Variants in FOXP1 observed in about 807,000 individuals in gnomAD.
FOXP1 encodes forkhead box P1.
A neutral mutation model predicts 98.2 loss-of-function variants in FOXP1; 15 were observed. The ratio of observed to expected loss-of-function variants is 0.15; its 90% confidence interval spans 0.10 to 0.24. FOXP1 has a LOEUF of 0.24. Ranked by LOEUF, FOXP1 falls within the 10% of genes least tolerant of loss-of-function variation. The pLI is 1.00. For missense variants in FOXP1, 633 were observed against 848.5 expected (o/e 0.75, Z 3.15); for synonymous variants, 371 against 314.5 (o/e 1.18, Z -1.90).
chr3:71,227,188 C>T (rs779103910), intron 5 of FOXP1, among the ~76,000 whole-genome samples: 1 of 152,134 alleles, frequency 6.6e-6, no homozygotes, highest in Non-Finnish European at 1.5e-5. Context: ...AGGCACGCGA[C>T]CATGGTGACA....
intron 6 of FOXP1, among the ~76,000 whole-genome samples, chr3:71,164,767 C>A (rs1342752879): frequency 2.0e-5 from 3 of 152,190 alleles, no homozygotes; most frequent in African/African-American, 7.2e-5. Context: ...ATGAATAAAG[C>A]TTACTTTCTC....
At chr3:71,351,312 G>A (rs187954904) in intron 4 of FOXP1, among the ~76,000 whole-genome samples, 1 of 152,134 alleles carries the variant, frequency 6.6e-6, no homozygotes, top group Non-Finnish European at 1.5e-5. Context: ...TGACTAAGCT[G>A]GTCACTCAGA....
intron 2 of FOXP1, among the ~76,000 whole-genome samples, chr3:71,562,851 C>T (rs964044226): frequency 6.6e-6 from 1 of 152,184 alleles, no homozygotes; most frequent in Non-Finnish European, 1.5e-5. Context: ...CTTCTGGGCC[C>T]AACAGATACA....
intron 6 of FOXP1, among the ~76,000 whole-genome samples, chr3:71,190,543 C>A (rs771451252): frequency 6.9e-6 from 1 of 145,258 alleles, no homozygotes. Context: ...CGCTTGAGCC[C>A]GGGGAGGTAA....
intron 3 of FOXP1, among the ~76,000 whole-genome samples, chr3:71,440,395 G>A (rs955623201): frequency 3.9e-5 from 6 of 151,942 alleles, no homozygotes; most frequent in South Asian, 2.1e-4. Flanking sequence ...GTGAGACACC[G>A]TGCCGGGCGC....
intron 6 of FOXP1, among the ~76,000 whole-genome samples, chr3:71,150,391 C>T (rs970805732): frequency 5.9e-5 from 9 of 152,170 alleles, no homozygotes; most frequent in Admixed American, 5.9e-4. Context: ...TATTCTACCC[C>T]TAGAATATAT....
rs1306412993 is a variant in FOXP1 at position 71,203,943 on chromosome 3, A to AGGAAGGAG, written c.-11-5552_-11-5551insCTCCTTCC. Among the ~76,000 whole-genome samples the AGGAAGGAG allele has an allele frequency of 1.2e-3, 59 of 50,512 alleles. 1 individual carries two copies. Among genetic ancestry groups the AGGAAGGAG allele is most frequent in the African/African-American group, 2.8e-3 (56 of 19,660 alleles). 33.1% of individuals were successfully genotyped at this position (50,512 alleles called of 152,430 possible). ...GAAGCTCATGGAAAAGGAAGGAGGA[A>AGGAAGGAG]GGAAGGAAGGAAGGAAGGAAGGAAG... On this transcript the variant is annotated intron_variant, in intron 5 of 20. Transcript: ENST00000649528.
chr3:71,197,981 G>A, intron 6 of FOXP1: 1 of 1,614,198 alleles, frequency 6.2e-7, no homozygotes, highest in South Asian at 1.1e-5. Context: ...AAGGGGACCT[G>A]CAGGACTTCC....
At chr3:71,348,604 ATG>A (rs1431271008) in intron 4 of FOXP1, among the ~76,000 whole-genome samples, 3 of 148,828 alleles carry the variant, frequency 2.0e-5, no homozygotes, top group South Asian at 2.1e-4. Flanking sequence ...GCAGGTGTGT[ATG>A]TGTGTGCACA....
chr3:71,440,148 G>T (rs567946143), intron 3 of FOXP1, among the ~76,000 whole-genome samples: 31 of 152,254 alleles, frequency 2.0e-4, no homozygotes, highest in African/African-American at 7.5e-4. Context: ...TTTCAGTTAT[G>T]CAAGATGAGA....
chr3:71,008,341 G>A (rs762511018), intron 12 of FOXP1, among the ~76,000 whole-genome samples: 31 of 152,158 alleles, frequency 2.0e-4, no homozygotes, highest in Non-Finnish European at 3.8e-4. Flanking sequence ...AGTGAAGATT[G>A]TGTCTTTCAC....
Position 70,958,519 on chromosome 3 carries a change from A to T in FOXP1, c.*728T>A, listed in dbSNP as rs2032404293. The T allele has an allele frequency of 2.9e-6, 1 of 349,700 alleles. No homozygotes were observed. Among genetic ancestry groups the T allele is most frequent in the Non-Finnish European group, 5.5e-6 (1 of 182,058 alleles). 21.7% of individuals were successfully genotyped at this position (349,700 alleles called of 1,614,324 possible). The stretch of plus-strand genomic sequence containing the variant: ...CGAGAAATGACATTCAGCTTTGTAT[A>T]ATAAAAACACCTATTAACATTCATC... On this transcript the variant is annotated 3_prime_UTR_variant, in exon 21 of 21. Transcript: ENST00000649528.
At chr3:71,445,637 A>G (rs999741947) in intron 3 of FOXP1, among the ~76,000 whole-genome samples, 3 of 152,032 alleles carry the variant, frequency 2.0e-5, no homozygotes, top group East Asian at 1.9e-4. Flanking sequence ...GAAATTAACA[A>G]TGCCTGGCAT....
rs1560064195 is a variant in FOXP1 at position 71,174,824 on chromosome 3, A to ACACC, written c.180+23374_180+23377dup. On this transcript the variant is annotated intron_variant, in intron 6 of 20. Coordinates refer to ENST00000649528, the MANE Select transcript of FOXP1 (RefSeq NM_001349338.3). ...CACACACACACACACACACACACAC[A>ACACC]CACCCCAATATACCCCAGGGTAGGA... Among the ~76,000 whole-genome samples the ACACC allele has an allele frequency of 1.6e-4, 24 of 149,392 alleles. 1 individual carries two copies. In the South Asian group the frequency reaches 4.7e-3, roughly 29 times the overall value.
chr3:71,510,347 C>T (rs1432561444), intron 2 of FOXP1, among the ~76,000 whole-genome samples: 1 of 148,026 alleles, frequency 6.8e-6, no homozygotes, highest in Admixed American at 6.7e-5. Context: ...TGTGGTGGTA[C>T]TTGCCTGTAA....
intron 6 of FOXP1, among the ~76,000 whole-genome samples, chr3:71,159,416 G>A (rs989575748): frequency 7.2e-5 from 11 of 152,158 alleles, no homozygotes; most frequent in African/African-American, 2.7e-4. Flanking sequence ...ATGCCAACAA[G>A]TTATTTTCTA....
rs113300374 is a variant in FOXP1, at chr3:71,177,272, A to G, written c.180+20930T>C. On this transcript the variant is annotated intron_variant, in intron 6 of 20. Coordinates refer to ENST00000649528, the MANE Select transcript of FOXP1 (RefSeq NM_001349338.3). ...CTAAGTTACAAGGCGCAGTTGCTTAAGAGTAAAATTAGGTACATCTGCTAC... is the reference window on the plus strand; with the variant it reads ...CTAAGTTACAAGGCGCAGTTGCTTAGGAGTAAAATTAGGTACATCTGCTAC... Among the ~76,000 whole-genome samples, 106 of 152,328 alleles carry G rather than the reference A, an allele frequency of 7.0e-4. 2 individuals carry two copies. Among genetic ancestry groups the G allele is most frequent in the African/African-American group, 1.9e-3 (81 of 41,578 alleles).
At chr3:71,305,989 C>T (rs1487251128) in intron 4 of FOXP1, 12 of 152,626 alleles carry the variant, frequency 7.9e-5, no homozygotes, top group Admixed American at 7.9e-4. Context: ...AGCCTGCTGG[C>T]TCTCAGGGCT....
intron 6 of FOXP1, among the ~76,000 whole-genome samples, chr3:71,179,820 G>C (rs1268991381): frequency 6.6e-6 from 1 of 152,162 alleles, no homozygotes; most frequent in Non-Finnish European, 1.5e-5. Context: ...TTCTCTGTTT[G>C]CTTTCTTAGT....
Sources: gnomAD v4.1 joint callset for allele counts (sites outside exome capture counted in the v4.1 genomes callset) on GRCh38, gnomAD v4.1.1 for gene constraint, MANE v1.5 for transcripts, NCBI Gene and HGNC (gene_info 2026-07-23, HGNC 2026-07-21) for gene names.